Variants in SKIC3 observed in about 807,000 individuals in gnomAD.
SKIC3 encodes the protein SKI3 subunit of superkiller complex.
At chr5:95,551,410 G>C in the SKIC3 span, among the ~76,000 whole-genome samples, 1 of 152,080 alleles carries the variant, frequency 6.6e-6, no homozygotes, top group Non-Finnish European at 1.5e-5. Context: ...GGAATGAAAA[G>C]TTTCCCTAAC....
chr5:95,508,450 T>C, the SKIC3 span, among the ~76,000 whole-genome samples: 1 of 152,218 alleles, frequency 6.6e-6, no homozygotes, highest in African/African-American at 2.4e-5. Context: ...CTTTCTTATT[T>C]TGTAAACATG....
chr5:95,545,880 T>C, the SKIC3 span, among the ~76,000 whole-genome samples: 1 of 152,180 alleles, frequency 6.6e-6, no homozygotes, highest in Non-Finnish European at 1.5e-5. Flanking sequence ...CTCAGTTATG[T>C]GACCACCACA....
At chr5:95,464,434 G>A in the SKIC3 span, 2 of 569,606 alleles carry the variant, frequency 3.5e-6, no homozygotes, top group Non-Finnish European at 6.2e-6. Flanking sequence ...TTAAAATCAG[G>A]TTTGGAGTTA....
At chr5:95,539,426 A>G in the SKIC3 span, among the ~76,000 whole-genome samples, 9 of 152,212 alleles carry the variant, frequency 5.9e-5, no homozygotes, top group Non-Finnish European at 1.0e-4. Flanking sequence ...AAGAATGACC[A>G]TAATCAAAAA....
At chr5:95,514,882 T>G in the SKIC3 span, 1 of 1,612,496 alleles carries the variant, frequency 6.2e-7, no homozygotes, top group South Asian at 1.1e-5. Context: ...TTAAATAAGA[T>G]GGATCAAGGG....
chr5:95,494,852 A>G, the SKIC3 span: 1 of 1,599,060 alleles, frequency 6.3e-7, no homozygotes, highest in Non-Finnish European at 8.6e-7. Flanking sequence ...TTTCAAACTG[A>G]CTAAAAGACT....
the SKIC3 span, chr5:95,528,274 C>T: frequency 8.5e-7 from 1 of 1,174,806 alleles, no homozygotes; most frequent in Non-Finnish European, 1.2e-6. Flanking sequence ...AAACAATATA[C>T]ATGAAGAATA....
chr5:95,464,879 A>G, the SKIC3 span, among the ~76,000 whole-genome samples: 40 of 149,736 alleles, frequency 2.7e-4, no homozygotes, highest in Non-Finnish European at 5.6e-4. Flanking sequence ...CATCAGAGAG[A>G]TGCACAATTC....
chr5:95,468,057 C>T, the SKIC3 span: 1 of 1,576,078 alleles, frequency 6.3e-7, no homozygotes, highest in Non-Finnish European at 8.7e-7. Flanking sequence ...CTATACTAAT[C>T]TCACACACAC....
chr5:95,495,101 C>G, the SKIC3 span: 1 of 1,323,640 alleles, frequency 7.6e-7, no homozygotes, highest in Non-Finnish European at 1.1e-6. Context: ...GACCTTTCCA[C>G]TAAATCACTG....
the SKIC3 span, among the ~76,000 whole-genome samples, chr5:95,496,446 C>T: frequency 6.6e-6 from 1 of 152,124 alleles, no homozygotes; most frequent in Non-Finnish European, 1.5e-5. Context: ...GAGACCCCAA[C>T]AGGCCACACC....
chr5:95,512,201 T>G, the SKIC3 span, among the ~76,000 whole-genome samples: 2 of 152,160 alleles, frequency 1.3e-5, no homozygotes, highest in Non-Finnish European at 2.9e-5. Flanking sequence ...TTCTAGTGTA[T>G]AGTGTATAGT....
At chr5:95,530,307 A>C in the SKIC3 span, 2 of 1,547,662 alleles carry the variant, frequency 1.3e-6, no homozygotes, top group Non-Finnish European at 1.8e-6. Context: ...TAAATCTCAA[A>C]ATCTGCCTTT....
the SKIC3 span, among the ~76,000 whole-genome samples, chr5:95,553,598 T>C: frequency 9.2e-5 from 14 of 152,224 alleles, no homozygotes; most frequent in East Asian, 2.7e-3. Flanking sequence ...TTTGCTCTTG[T>C]TGCCCAGGCG....
At chr5:95,504,415 A>G in the SKIC3 span, among the ~76,000 whole-genome samples, 3 of 151,900 alleles carry the variant, frequency 2.0e-5, no homozygotes, top group Non-Finnish European at 2.9e-5. Context: ...TAAATTACGA[A>G]GTGTCTCTTT....
At chr5:95,500,955 A>G in the SKIC3 span, among the ~76,000 whole-genome samples, 1 of 152,054 alleles carries the variant, frequency 6.6e-6, no homozygotes, top group Non-Finnish European at 1.5e-5. Flanking sequence ...CAAATCATGA[A>G]TTTTCTGAGG....
At chr5:95,468,315 G>A in the SKIC3 span, among the ~76,000 whole-genome samples, 3 of 152,038 alleles carry the variant, frequency 2.0e-5, no homozygotes, top group Non-Finnish European at 2.9e-5. Context: ...AGAGACAGTC[G>A]CTATTTTATA....
chr5:95,534,470 G>T, the SKIC3 span, among the ~76,000 whole-genome samples: 2 of 151,948 alleles, frequency 1.3e-5, no homozygotes, highest in African/African-American at 4.8e-5. Context: ...TTGTATACCT[G>T]CTTTTTCCTA....
chr5:95,537,276 C>T, the SKIC3 span: 29 of 800,094 alleles, frequency 3.6e-5, no homozygotes, highest in Admixed American at 2.4e-4. Context: ...ACAACTTCAA[C>T]GAGGAAAAAA....
Sources: allele counts gnomAD v4.1 joint callset (sites outside exome capture counted in the v4.1 genomes callset), GRCh38; gene constraint gnomAD v4.1.1; transcripts MANE v1.5; gene names NCBI Gene and HGNC (gene_info 2026-07-23, HGNC 2026-07-21).